The following PLCB1 variants were observed in gnomAD, a reference collection of about 807,000 sequenced individuals.
The protein encoded by PLCB1 is phospholipase C beta 1, also known as 1-phosphatidylinositol 4,5-bisphosphate phosphodiesterase beta-1.
Under a neutral mutation model 161.8 loss-of-function variants are expected in PLCB1, and 46 were observed. That is an observed-to-expected ratio of 0.28 (90% CI 0.22 to 0.36). The LOEUF is 0.36. Ranked by LOEUF, PLCB1 falls within the 10% of genes least tolerant of loss-of-function variation. The pLI, the probability that PLCB1 is intolerant of heterozygous loss-of-function variation, is 1.00. For synonymous variants in PLCB1, 517 were observed against 503.7 expected (o/e 1.03, Z -0.35); for missense variants, 1,016 against 1,472.5 (o/e 0.69, Z 5.07).
intron 2 of PLCB1, among the ~76,000 whole-genome samples, chr20:8,326,987 G>T (rs1302605121): frequency 6.6e-6 from 1 of 152,212 alleles, no homozygotes; most frequent in African/African-American, 2.4e-5. Context: ...CTGGGCTCAA[G>T]CAATTATCCC....
rs569932140 is a variant in PLCB1, at chr20:8,810,115, A to G, written c.3423+19854A>G. Among the ~76,000 whole-genome samples, 7 of 152,302 alleles carry G rather than the reference A, an allele frequency of 4.6e-5. No homozygotes were observed. The South Asian group carries it at 1.2e-3, about 27-fold the overall frequency. The stretch of plus-strand genomic sequence containing the variant: ...TTTTCTGTAGGAAACATTTCTCTCC[A>G]ATGTTGCCCCTTCACACCATCCCCA... On this transcript the variant is annotated intron_variant, in intron 31 of 31. Coordinates refer to ENST00000338037, the MANE Select transcript of PLCB1 (RefSeq NM_015192.4).
chr20:8,142,411 A>G lies in PLCB1; in HGVS notation c.100-7883A>G, dbSNP rs565460912. On this transcript the variant is annotated intron_variant, in intron 1 of 31. Transcript: ENST00000338037. Reference sequence around the variant, plus strand: ...TGGGATTTCTCCATGTGTGTTTGAGAAGGAAACTATTTATTGGCAATGCAG... The same window carrying G: ...TGGGATTTCTCCATGTGTGTTTGAGGAGGAAACTATTTATTGGCAATGCAG... Among the ~76,000 whole-genome samples the G allele has an allele frequency of 2.0e-5, 3 of 152,316 alleles. No homozygotes were observed. The East Asian group carries it at 5.8e-4, about 29-fold the overall frequency.
chr20:8,640,299 G>A lies in PLCB1; in HGVS notation c.385-5803G>A, dbSNP rs77084692. ...GATAAGCAGCATGCTTAATGCCCAAGAATTGCGATTGCTCCCCTTTTTCTG... is the reference window on the plus strand; with the variant it reads ...GATAAGCAGCATGCTTAATGCCCAAAAATTGCGATTGCTCCCCTTTTTCTG... On this transcript the variant is annotated intron_variant, in intron 4 of 31. Transcript: ENST00000338037. 3.4e-3 allele frequency among the ~76,000 whole-genome samples: 518 copies of A among 152,316 alleles called. 2 individuals carry two copies. The highest frequency in any genetic ancestry group is 0.012 in the African/African-American group (503 of 41,570).
At chr20:8,726,910 A>T (rs1415339360) in intron 16 of PLCB1, among the ~76,000 whole-genome samples, 1 of 152,138 alleles carries the variant, frequency 6.6e-6, no homozygotes, top group East Asian at 1.9e-4. Flanking sequence ...CCTAGCACAA[A>T]CATTCCCATG....
intron 2 of PLCB1, among the ~76,000 whole-genome samples, chr20:8,315,124 A>C (rs1044351514): frequency 6.6e-6 from 1 of 152,182 alleles, no homozygotes; most frequent in African/African-American, 2.4e-5. Context: ...AACAGACTGG[A>C]ACTCAGGTCA....
intron 15 of PLCB1, 100 bp downstream of exon 15, chr20:8,722,521 G>T (rs1386593016): frequency 1.5e-5 from 11 of 715,790 alleles, no homozygotes; most frequent in Non-Finnish European, 2.4e-5. Context: ...GCAAAAAGTA[G>T]ATTTGTGCCT....
intron 2 of PLCB1, among the ~76,000 whole-genome samples, chr20:8,280,512 T>C (rs560182251): frequency 6.6e-6 from 1 of 152,270 alleles, no homozygotes; most frequent in South Asian, 2.1e-4. Context: ...ACTAAACCAG[T>C]AAACTACAAA....
intron 1 of PLCB1, among the ~76,000 whole-genome samples, chr20:8,137,623 G>A (rs1387713617): frequency 2.0e-5 from 3 of 152,126 alleles, no homozygotes; most frequent in Non-Finnish European, 4.4e-5. Context: ...AGTGTAACAT[G>A]CGTACAACAA....
chr20:8,160,018 A>G (rs1254789467), intron 2 of PLCB1, among the ~76,000 whole-genome samples: 2 of 151,530 alleles, frequency 1.3e-5, no homozygotes, highest in African/African-American at 4.8e-5. Context: ...AGAAAAAAAG[A>G]AATTTCTTCC....
rs557757528 is a variant in PLCB1, at chr20:8,132,566, GCCCGCGCCCCGCGC to G, written c.-71_-58del. 1.2e-4 allele frequency: 96 copies of G among 825,394 alleles called. No individual in the cohort carries two copies. The highest frequency in any genetic ancestry group is 7.7e-4 in the Middle Eastern group (2 of 2,590). The allele number at this position is 825,394 out of a possible 1,614,324, so 51.1% of individuals were successfully genotyped here. A position where few individuals can be genotyped will look rare whatever the true frequency, so the allele number is the denominator to read the frequency against. Reference sequence around the variant, plus strand: ...GAGCGCCTCCGGAGCAGAGAAAGGAGCCCGCGCCCCGCGCCCCGCGCCCCGCGCACGGTCCCCAG... The same window carrying G: ...GAGCGCCTCCGGAGCAGAGAAAGGAGCCCGCGCCCCGCGCACGGTCCCCAG... On this transcript the variant is annotated 5_prime_UTR_variant, in exon 1 of 32. Coordinates refer to ENST00000338037, the MANE Select transcript of PLCB1 (RefSeq NM_015192.4). This position sits in a 1 kb window ranked among gnomAD's most constrained non-coding sequence, Gnocchi z 5.2.
chr20:8,592,118 GAAAGC>G (rs1987167299), intron 3 of PLCB1, among the ~76,000 whole-genome samples: 1 of 152,092 alleles, frequency 6.6e-6, no homozygotes, highest in Non-Finnish European at 1.5e-5. Context: ...TAAACAATCA[GAAAGC>G]AAATGTGTCA....
intron 2 of PLCB1, among the ~76,000 whole-genome samples, chr20:8,294,913 C>T (rs1409018366): frequency 6.6e-6 from 1 of 152,020 alleles, no homozygotes; most frequent in Non-Finnish European, 1.5e-5. Flanking sequence ...TATAGTCCCA[C>T]ACTGGAATAT....
chr20:8,435,749 AG>A (rs1194010364), intron 3 of PLCB1, among the ~76,000 whole-genome samples: 1 of 152,164 alleles, frequency 6.6e-6, no homozygotes, highest in Non-Finnish European at 1.5e-5. Flanking sequence ...CAGTCTTATG[AG>A]ACATTGACAG....
At chr20:8,763,135 C>T (rs1012062996) in intron 25 of PLCB1, among the ~76,000 whole-genome samples, 7 of 152,128 alleles carry the variant, frequency 4.6e-5, no homozygotes, top group Non-Finnish European at 8.8e-5. Flanking sequence ...ATCTTGATTT[C>T]GGAAATGTTA....
chr20:8,874,481 C>T (rs915564207), intron 31 of PLCB1, among the ~76,000 whole-genome samples: 1 of 151,826 alleles, frequency 6.6e-6, no homozygotes, highest in South Asian at 2.1e-4. Context: ...GCTTCATTTG[C>T]TTATTTTATT....
At chr20:8,482,532 G>T (rs1268612764) in intron 3 of PLCB1, among the ~76,000 whole-genome samples, 1 of 152,124 alleles carries the variant, frequency 6.6e-6, no homozygotes, top group Non-Finnish European at 1.5e-5. Context: ...AGATCTATTT[G>T]TATAACATTC....
At chr20:8,655,228 T>A (rs769180160) in intron 7 of PLCB1, among the ~76,000 whole-genome samples, 4 of 152,280 alleles carry the variant, frequency 2.6e-5, no homozygotes, top group Non-Finnish European at 4.4e-5. Context: ...ACGTAAATGA[T>A]GTTAGTTAAA....
chr20:8,678,299 G>A (rs1990135200), intron 9 of PLCB1, among the ~76,000 whole-genome samples: 1 of 152,170 alleles, frequency 6.6e-6, no homozygotes. Context: ...TACTGTCTCT[G>A]AAAGAATGAG....
intron 9 of PLCB1, among the ~76,000 whole-genome samples, chr20:8,684,239 TA>T (rs1360637312): frequency 1.3e-5 from 2 of 148,498 alleles, no homozygotes; most frequent in Middle Eastern, 3.5e-3. Flanking sequence ...ATTATTTATT[TA>T]TTTATTTATT....
Sources: allele counts gnomAD v4.1 joint callset (sites outside exome capture counted in the v4.1 genomes callset), GRCh38; gene constraint gnomAD v4.1.1; non-coding constraint Gnocchi (gnomAD v3.1); transcripts MANE v1.5; gene names NCBI Gene and HGNC (gene_info 2026-07-23, HGNC 2026-07-21).